SRRM1: variants seen among roughly 807,000 people sequenced by gnomAD.
SRRM1 encodes the protein serine/arginine repetitive matrix protein 1.
SRRM1 carries 19 observed loss-of-function variants against 110.2 expected under a neutral mutation model. The ratio of observed to expected loss-of-function variants is 0.17; its 90% CI spans 0.12 to 0.25. The LOEUF (loss-of-function observed/expected upper bound fraction) is 0.25. Ranked by LOEUF, SRRM1 falls within the 10% of genes least tolerant of loss-of-function variation. The probability of loss-of-function intolerance (pLI) is 1.00; values close to 1 mark genes in which losing one functional copy is unlikely to be tolerated. For missense variants in SRRM1, 918 were observed against 1,145.8 expected, an observed-to-expected ratio of 0.80 and a Z score of 2.87; for synonymous variants, 443 against 414.9, an observed-to-expected ratio of 1.07 and a Z score of -0.82.
In SRRM1 at chr1:24,669,186, G is replaced by A. The variant is rs751543836; in HGVS notation, c.1803G>A (p.Gln601=). 3 of 1,613,992 alleles carry A rather than the reference G, an allele frequency of 1.9e-6. No individual in the cohort carries two copies. Among genetic ancestry groups the A allele is most frequent in the Admixed American group, 3.3e-5 (2 of 60,000 alleles). ...PSPRRYSPPI[Q]RRYSPSPPPK... Reference sequence around the variant, plus strand: ...CTAGAAGATACTCTCCTCCAATACAGAGGAGATACTCTCCTTCTCCACCTC... The same window carrying A: ...CTAGAAGATACTCTCCTCCAATACAAAGGAGATACTCTCCTTCTCCACCTC... Residue 601 remains glutamine, a synonymous_variant, in exon 14 of 17, where the codon CAG becomes CAA. Transcript: ENST00000323848.
intron 1 of SRRM1, 148 bp downstream of exon 1, chr1:24,643,495 C>G (rs1441892633): frequency 2.0e-6 from 1 of 510,252 alleles, no homozygotes; most frequent in Admixed American, 4.9e-5. Flanking sequence ...CCCCCCCCCC[C>G]CGTGCGCTGC....
intron 3 of SRRM1, 156 bp from the exon 4 acceptor site, chr1:24,648,703 G>A (rs2148242720): frequency 1.0e-5 from 6 of 599,852 alleles, no homozygotes; most frequent in African/African-American, 7.4e-5. Flanking sequence ...AAGCTACTAG[G>A]GAAGACTATT....
At chr1:24,663,207 A>T in intron 12 of SRRM1, 1 of 1,515,494 alleles carries the variant, frequency 6.6e-7, no homozygotes, top group Non-Finnish European at 8.9e-7. Flanking sequence ...AGCGATGGCA[A>T]TCGCCAGTGA....
intron 10 of SRRM1, 56 bp from the exon 11 acceptor site, chr1:24,661,254 C>T (rs1202402567): frequency 3.6e-6 from 5 of 1,386,004 alleles, no homozygotes; most frequent in Non-Finnish European, 5.1e-6. Flanking sequence ...ATTCAAATTG[C>T]AAATTTTCTA....
At chr1:24,649,912 G>C in intron 4 of SRRM1, 59 bp from the exon 5 acceptor site, 1 of 1,441,136 alleles carries the variant, frequency 6.9e-7, no homozygotes, top group South Asian at 1.5e-5. Context: ...GTAGAAAGTA[G>C]TCTTCAGTTT....
chr1:24,665,429 CA>C (rs1217512447), intron 12 of SRRM1, among the ~76,000 whole-genome samples: 571 of 104,548 alleles, frequency 5.5e-3, no homozygotes, highest in African/African-American at 0.015. Flanking sequence ...AACTCCGTCT[CA>C]AAAAAAAAAA....
chr1:24,664,347 C>T (rs762697006), intron 12 of SRRM1, among the ~76,000 whole-genome samples: 32 of 152,176 alleles, frequency 2.1e-4, no homozygotes, highest in Non-Finnish European at 4.0e-4. Flanking sequence ...GACCATAAAA[C>T]TGTAAAATTT....
At position 24,666,585 on chromosome 1, in the gene SRRM1, A is replaced by G. The variant is rs1378815374; in HGVS notation, c.1629-230A>G. The G allele has an allele frequency of 1.6e-5, 6 of 386,498 alleles. No individual in the cohort carries two copies. In the Admixed American group the frequency reaches 2.2e-4, roughly 14 times the overall value. 23.9% of individuals were successfully genotyped at this position (386,498 alleles called of 1,614,324 possible). ...AAGACCAGCTTGGCCAACATGGTGA[A>G]ACTCCGTCTCTACAAAAATATTTTA... is the stretch of plus-strand genomic sequence containing the variant. On this transcript the variant is annotated intron_variant, in intron 12 of 16. Coordinates refer to ENST00000323848, the MANE Select transcript of SRRM1 (RefSeq NM_005839.4).
At chr1:24,669,843 T>G in intron 14 of SRRM1, 1 of 560,884 alleles carries the variant, frequency 1.8e-6, no homozygotes, top group Non-Finnish European at 3.1e-6. Context: ...TAAACTTGAG[T>G]AAGACATTGA....
At position 24,650,093 on chromosome 1, in the gene SRRM1, T is replaced by G; in HGVS notation, c.521+7T>G. 6.4e-7 allele frequency: 1 copy of G among 1,557,336 alleles called. No homozygotes were observed. The highest frequency in any genetic ancestry group is 8.7e-7 in the Non-Finnish European group (1 of 1,153,836). On this transcript the variant is annotated splice_region_variant and intron_variant, in intron 5 of 16. Coordinates refer to ENST00000323848, the MANE Select transcript of SRRM1 (RefSeq NM_005839.4). ...GGTCTCGTAGCCCAAGAAGGTATCATACAATAGATGCATAACTGATGTTTT... is the reference window on the plus strand; with the variant it reads ...GGTCTCGTAGCCCAAGAAGGTATCAGACAATAGATGCATAACTGATGTTTT...
intron 8 of SRRM1, 121 bp downstream of exon 8, chr1:24,653,153 G>A: frequency 2.2e-6 from 2 of 922,206 alleles, no homozygotes; most frequent in Non-Finnish European, 3.1e-6. Context: ...ATTAGACAAT[G>A]TCTTCTAAAG....
chr1:24,672,128 G>A lies in SRRM1; in HGVS notation c.2611-54G>A, dbSNP rs1673107332. On this transcript the variant is annotated intron_variant, in intron 16 of 16. Coordinates refer to ENST00000323848, the MANE Select transcript of SRRM1 (RefSeq NM_005839.4). ...CACACTTTGATTCTGCTCTTTACTC[G>A]GCATTTCCCACCAGGGTCTCAAGAC... 8.7e-6 allele frequency: 12 copies of A among 1,377,068 alleles called. 1 individual carries two copies. The South Asian group carries it at 9.9e-5, about 11-fold the overall frequency. The allele number at this position is 1,377,068 out of a possible 1,614,324, so 85.3% of individuals were successfully genotyped here.
chr1:24,657,787 G>A lies in SRRM1; in HGVS notation c.1315+2658G>A, dbSNP rs1159983409. On this transcript the variant is annotated intron_variant, in intron 9 of 16. Coordinates refer to ENST00000323848, the MANE Select transcript of SRRM1 (RefSeq NM_005839.4). ...GCTTGAAATCAGTGGCACAGTCAGC[G>A]AAGTATGTTAACATGATCAATACTG... Among the ~76,000 whole-genome samples the A allele has an allele frequency of 2.6e-5, 4 of 152,184 alleles. No homozygotes were observed. In the East Asian group the frequency reaches 7.7e-4, roughly 29 times the overall value.
intron 16 of SRRM1, 67 bp from the exon 17 acceptor site, chr1:24,672,115 C>G: frequency 1.6e-6 from 2 of 1,241,118 alleles, no homozygotes; most frequent in East Asian, 5.1e-5. Flanking sequence ...CACTTTGATT[C>G]TGCTCTTTAC....
chr1:24,652,374 T>A (rs1661465727), intron 6 of SRRM1, 60 bp from the exon 7 acceptor site: 1 of 1,205,294 alleles, frequency 8.3e-7, no homozygotes, highest in Non-Finnish European at 1.1e-6. Flanking sequence ...CATTGTGTAA[T>A]GATTTAGAAG....
At chr1:24,657,321 A>G (rs1162481137) in intron 9 of SRRM1, among the ~76,000 whole-genome samples, 1 of 152,248 alleles carries the variant, frequency 6.6e-6, no homozygotes, top group Admixed American at 6.5e-5. Context: ...GACTTGGTCA[A>G]GGTCAACCAA....
chr1:24,669,001 A>G, intron 13 of SRRM1, 122 bp from the exon 14 acceptor site: 1 of 728,848 alleles, frequency 1.4e-6, no homozygotes, highest in Non-Finnish European at 2.2e-6. Flanking sequence ...TAGCATGTTC[A>G]CTTATAAATA....
Position 24,669,274 on chromosome 1 carries a change from C to T in SRRM1, c.1891C>T (p.Pro631Ser). The change falls in exon 14 of 17, where the codon CCA becomes TCA. Residue 631 changes from proline to serine, a missense_variant. Pro to Ser is a moderately conservative substitution (Grantham distance 74, BLOSUM62 -1). Around this residue, in one of 5 missense-constraint regions of SRRM1, gnomAD observed 357 missense variants for 402.9 expected, o/e 0.89. Transcript: ENST00000323848. Reference protein sequence around the residue: ...PKRRASPSPPPKRRVSHSPPP... With the variant: ...PKRRASPSPPSKRRVSHSPPP... Reference sequence around the variant, plus strand: ...ACGAAGAGCATCACCATCTCCACCACCAAAGCGGCGGGTCTCCCATTCTCC... The same window carrying T: ...ACGAAGAGCATCACCATCTCCACCATCAAAGCGGCGGGTCTCCCATTCTCC... 1 of 1,614,180 alleles carries T rather than the reference C, an allele frequency of 6.2e-7. No homozygotes were observed. The highest frequency in any genetic ancestry group is 8.5e-7 in the Non-Finnish European group (1 of 1,180,042).
At chr1:24,669,830 A>T in intron 14 of SRRM1, 1 of 561,446 alleles carries the variant, frequency 1.8e-6, no homozygotes, top group Non-Finnish European at 3.1e-6. Flanking sequence ...ATGCTTCCAA[A>T]ACTAAACTTG....
Sources: gnomAD v4.1 joint callset for allele counts (sites outside exome capture counted in the v4.1 genomes callset) on GRCh38, gnomAD v4.1.1 for gene constraint, gnomAD v4.1.1 regional missense constraint, MANE v1.5 for transcripts, NCBI Gene and HGNC (gene_info 2026-07-23, HGNC 2026-07-21) for gene names.